Variants in CDH4 observed in about 807,000 individuals in gnomAD.
CDH4 encodes cadherin 4, also known as cadherin-4.
CDH4 carries 33 observed loss-of-function variants against 86.0 expected under a neutral mutation model. The ratio of observed to expected loss-of-function variants is 0.38; its 90% confidence interval spans 0.29 to 0.51. The LOEUF (loss-of-function observed/expected upper bound fraction) is 0.51. Ranked by LOEUF, CDH4 falls within the 20% of genes least tolerant of loss-of-function variation. CDH4 has a pLI of 0.86. For synonymous variants in CDH4, 555 were observed against 549.4 expected, an observed-to-expected ratio of 1.01 and a Z score of -0.14; for missense variants, 1,114 against 1,307.4, an observed-to-expected ratio of 0.85 and a Z score of 2.28.
intron 2 of CDH4, among the ~76,000 whole-genome samples, chr20:61,434,367 G>A (rs1331139672): frequency 6.6e-6 from 1 of 152,186 alleles, no homozygotes; most frequent in Non-Finnish European, 1.5e-5. Flanking sequence ...GAATTCATTT[G>A]CAACTCTAAG....
chr20:61,466,203 GTC>G lies in CDH4; in HGVS notation c.169+211270_169+211271del, dbSNP rs1568855235. ...AGGAATTTACAAAGAACCAAGCAGA[GTC>G]TCTTTTTAGATATGCCCAAGCATCA... On this transcript the variant is annotated intron_variant, in intron 2 of 15. Coordinates refer to ENST00000614565, the MANE Select transcript of CDH4 (RefSeq NM_001794.5). Among the ~76,000 whole-genome samples the G allele has an allele frequency of 2.0e-5, 3 of 152,198 alleles. No homozygotes were observed. The South Asian group carries it at 6.2e-4, about 32-fold the overall frequency.
At chr20:61,559,610 C>T (rs2086202084) in intron 2 of CDH4, among the ~76,000 whole-genome samples, 1 of 143,216 alleles carries the variant, frequency 7.0e-6, no homozygotes. Flanking sequence ...CTGCAGCCTC[C>T]CAGGTTCAAG....
intron 2 of CDH4, among the ~76,000 whole-genome samples, chr20:61,288,702 G>A (rs1265959188): frequency 1.3e-5 from 2 of 152,216 alleles, no homozygotes; most frequent in Admixed American, 1.3e-4. Flanking sequence ...GCCGCGGCCG[G>A]CTCCAGACCT....
chr20:61,769,822 G>A (rs1405385145), intron 3 of CDH4, among the ~76,000 whole-genome samples: 3 of 152,202 alleles, frequency 2.0e-5, no homozygotes, highest in Non-Finnish European at 2.9e-5. Flanking sequence ...AAGCCACTTT[G>A]AGCAGTGGGA....
intron 2 of CDH4, among the ~76,000 whole-genome samples, chr20:61,443,289 T>C (rs1050690657): frequency 1.3e-5 from 2 of 152,176 alleles, no homozygotes; most frequent in African/African-American, 4.8e-5. Context: ...GCCGGAGTCA[T>C]TTAGAAATCA....
At chr20:61,576,447 A>C (rs989316634) in intron 2 of CDH4, among the ~76,000 whole-genome samples, 1 of 152,148 alleles carries the variant, frequency 6.6e-6, no homozygotes, top group Non-Finnish European at 1.5e-5. Flanking sequence ...ACTAGTTCCT[A>C]CTTGACAAAC....
At chr20:61,528,672 G>C (rs80322342) in intron 2 of CDH4, among the ~76,000 whole-genome samples, 3,150 of 152,248 alleles carry the variant, frequency 0.021, 47 homozygotes, top group African/African-American at 0.047. Context: ...TCCCCAGAGA[G>C]GGGGAGAAGA....
At chr20:61,617,451 G>T (rs2086734306) in intron 2 of CDH4, among the ~76,000 whole-genome samples, 1 of 152,242 alleles carries the variant, frequency 6.6e-6, no homozygotes, top group Non-Finnish European at 1.5e-5. Context: ...AGGCTGGGGA[G>T]TGAAGCCCCC....
At position 61,554,292 on chromosome 20, in the gene CDH4, C is replaced by T. The variant is rs375291990; in HGVS notation, c.170-189271C>T. Reference sequence around the variant, plus strand: ...AGCTCCCGTAGGTGAATCGGACTCTCAGCTGATGAAGCTAAATTGCTTCTG... The same window carrying T: ...AGCTCCCGTAGGTGAATCGGACTCTTAGCTGATGAAGCTAAATTGCTTCTG... On this transcript the variant is annotated intron_variant, in intron 2 of 15. Coordinates refer to ENST00000614565, the MANE Select transcript of CDH4 (RefSeq NM_001794.5). Among the ~76,000 whole-genome samples, 19 of 152,300 alleles carry T rather than the reference C, an allele frequency of 1.2e-4. No individual in the cohort carries two copies. The South Asian group carries it at 3.9e-3, about 32-fold the overall frequency.
intron 2 of CDH4, among the ~76,000 whole-genome samples, chr20:61,315,006 T>C (rs1471134224): frequency 6.6e-6 from 1 of 152,232 alleles, no homozygotes; most frequent in Non-Finnish European, 1.5e-5. Flanking sequence ...TTTGCATTCC[T>C]TATGTATTTT....
chr20:61,788,154 G>A (rs1005419011), intron 4 of CDH4, among the ~76,000 whole-genome samples: 5 of 152,242 alleles, frequency 3.3e-5, no homozygotes, highest in East Asian at 1.9e-4. Flanking sequence ...TTAATGTCCC[G>A]CCCAGTAAAA....
chr20:61,904,615 C>T (rs923045278), intron 8 of CDH4, among the ~76,000 whole-genome samples: 2 of 152,192 alleles, frequency 1.3e-5, no homozygotes, highest in Admixed American at 6.5e-5. Flanking sequence ...GCACCGAGTG[C>T]CCTGACTGTG....
chr20:61,815,841 C>A (rs1478407492), intron 4 of CDH4, among the ~76,000 whole-genome samples: 1 of 152,182 alleles, frequency 6.6e-6, no homozygotes, highest in Non-Finnish European at 1.5e-5. Context: ...TCCCACTTGC[C>A]CAGGTTTGGA....
At chr20:61,336,367 A>G (rs1397246510) in intron 2 of CDH4, among the ~76,000 whole-genome samples, 3 of 152,176 alleles carry the variant, frequency 2.0e-5, no homozygotes, top group Non-Finnish European at 2.9e-5. Context: ...CATCAACATT[A>G]TCATTAAACA....
In CDH4 at chr20:61,518,483, T is replaced by C. The variant is rs2085841713; in HGVS notation, c.170-225080T>C. 6.6e-6 allele frequency among the ~76,000 whole-genome samples: 1 copy of C among 151,770 alleles called. No individual in the cohort carries two copies. The highest frequency in any genetic ancestry group is 2.4e-5 in the African/African-American group (1 of 41,284). ...CACCCATCGTCCATCCATCCATCCT[T>C]CCATCATTGATTCATCATCCATCCA... is the stretch of plus-strand genomic sequence containing the variant. On this transcript the variant is annotated intron_variant, in intron 2 of 15. Transcript: ENST00000614565. This position sits in a 1 kb window ranked among gnomAD's most constrained non-coding sequence, Gnocchi z 6.3.
At chr20:61,877,775 C>T (rs1984097537) in intron 7 of CDH4, among the ~76,000 whole-genome samples, 1 of 152,200 alleles carries the variant, frequency 6.6e-6, no homozygotes, top group African/African-American at 2.4e-5. Context: ...CTGGGACCCC[C>T]ATGTGGACCA....
chr20:61,637,090 T>C (rs1045659959), intron 2 of CDH4, among the ~76,000 whole-genome samples: 1 of 152,204 alleles, frequency 6.6e-6, no homozygotes, highest in African/African-American at 2.4e-5. Flanking sequence ...CCTTCTTTGC[T>C]TTTTGCTTTT....
intron 3 of CDH4, among the ~76,000 whole-genome samples, chr20:61,769,248 G>T (rs1316455806): frequency 6.6e-6 from 1 of 152,226 alleles, no homozygotes; most frequent in Non-Finnish European, 1.5e-5. Flanking sequence ...ATCAGGCGTG[G>T]TTGGCGGCCC....
At chr20:61,463,256 C>G (rs1392222957) in intron 2 of CDH4, among the ~76,000 whole-genome samples, 1 of 152,098 alleles carries the variant, frequency 6.6e-6, no homozygotes, top group Non-Finnish European at 1.5e-5. Context: ...TCTTTATTAG[C>G]AGCATTAGAA....
Sources: gnomAD v4.1 joint callset for allele counts (sites outside exome capture counted in the v4.1 genomes callset) on GRCh38, gnomAD v4.1.1 for gene constraint, Gnocchi (gnomAD v3.1) non-coding constraint, MANE v1.5 for transcripts, NCBI Gene and HGNC (gene_info 2026-07-23, HGNC 2026-07-21) for gene names.